The following CFAP69 variants were observed in gnomAD, a reference collection of about 807,000 sequenced individuals.
CFAP69 encodes cilia- and flagella-associated protein 69.
A neutral mutation model predicts 123.0 loss-of-function variants in CFAP69; 92 were observed. The observed-to-expected ratio is 0.75, with a 90% CI of 0.63 to 0.89. The LOEUF is 0.89. Ranked by LOEUF, CFAP69 falls within the 40% of genes least tolerant of loss-of-function variation. The pLI, the probability that CFAP69 is intolerant of heterozygous loss-of-function variation, is 0.00. For missense variants in CFAP69, 1,067 were observed against 1,096.9 expected, an observed-to-expected ratio of 0.97 and a Z score of 0.39; for synonymous variants, 380 against 364.3, an observed-to-expected ratio of 1.04 and a Z score of -0.49.
At chr7:90,280,760 G>C (rs1789363203) in intron 12 of CFAP69, among the ~76,000 whole-genome samples, 1 of 152,184 alleles carries the variant, frequency 6.6e-6, no homozygotes, top group Non-Finnish European at 1.5e-5. Flanking sequence ...TTTTTAAAAA[G>C]TTTTATAAGG....
At position 90,271,548 on chromosome 7, in the gene CFAP69, A is replaced by C; in HGVS notation, c.555A>C (p.Ser185=). The change falls in exon 7 of 23, where the codon TCA becomes TCC. Residue 185 remains serine, a synonymous_variant. Transcript: ENST00000389297. ...HIPGYQQASS[S]YKIQMAEVGG... is the part of the protein sequence containing the mutation. The stretch of plus-strand genomic sequence containing the variant: ...TAGGTTACCAGCAAGCGAGTTCATC[A>C]TACAAGATTCAAATGGCTGAAGTTG... 6.2e-7 allele frequency: 1 copy of C among 1,612,276 alleles called. No homozygotes were observed. Among genetic ancestry groups the C allele is most frequent in the East Asian group, 2.2e-5 (1 of 44,854 alleles).
chr7:90,256,532 A>T (rs1202188917), intron 2 of CFAP69, among the ~76,000 whole-genome samples: 1 of 152,162 alleles, frequency 6.6e-6, no homozygotes, highest in Non-Finnish European at 1.5e-5. Flanking sequence ...ATAAAAAAAA[A>T]AAAAAAATTT....
chr7:90,258,076 T>G, intron 2 of CFAP69, 22 bp from the exon 3 acceptor site: 2 of 1,584,420 alleles, frequency 1.3e-6, no homozygotes, highest in Non-Finnish European at 1.7e-6. Flanking sequence ...ACAAAAGAAC[T>G]AAAATAGGTG....
At chr7:90,286,521 G>A (rs1225878737) in intron 14 of CFAP69, 122 bp downstream of exon 14, 4 of 987,222 alleles carry the variant, frequency 4.1e-6, no homozygotes, top group Non-Finnish European at 5.9e-6. Context: ...TTAATAATTA[G>A]AGCATAATTA....
At chr7:90,308,191 C>T (rs1562930668) in intron 21 of CFAP69, among the ~76,000 whole-genome samples, 1 of 152,074 alleles carries the variant, frequency 6.6e-6, no homozygotes, top group African/African-American at 2.4e-5. Context: ...CTGTGAGAGG[C>T]AAAGTAAAGG....
chr7:90,260,062 TA>T (rs1332951995), intron 3 of CFAP69, among the ~76,000 whole-genome samples: 1 of 152,188 alleles, frequency 6.6e-6, no homozygotes, highest in Non-Finnish European at 1.5e-5. Context: ...GTAAACTCCT[TA>T]CAACATTATG....
chr7:90,297,876 A>C (rs1792230818), intron 16 of CFAP69, 46 bp downstream of exon 16: 1 of 1,316,016 alleles, frequency 7.6e-7, no homozygotes, highest in African/African-American at 1.5e-5. Flanking sequence ...AAATATGTCT[A>C]TTAAAGGCCG....
chr7:90,310,319 A>G lies in CFAP69; in HGVS notation c.*81A>G, dbSNP rs1794200463. On this transcript the variant is annotated 3_prime_UTR_variant, in exon 23 of 23. Transcript: ENST00000389297. ...ATCTTTATACATATGTAAAGCCAATATTTTAGAATAAGTATTTTAGTATAA... is the reference window on the plus strand; with the variant it reads ...ATCTTTATACATATGTAAAGCCAATGTTTTAGAATAAGTATTTTAGTATAA... 1 of 739,286 alleles carries G rather than the reference A, an allele frequency of 1.4e-6. No individual in the cohort carries two copies. Among genetic ancestry groups the G allele is most frequent in the East Asian group, 3.3e-5 (1 of 30,616 alleles). The allele number at this position is 739,286 out of a possible 1,614,324, so 45.8% of individuals were successfully genotyped here.
intron 19 of CFAP69, among the ~76,000 whole-genome samples, chr7:90,305,067 G>A (rs1793370589): frequency 6.6e-6 from 1 of 152,112 alleles, no homozygotes; most frequent in African/African-American, 2.4e-5. Flanking sequence ...TATAAGCCGG[G>A]CACGGTGGCT....
At chr7:90,270,095 C>A (rs1319601677) in intron 6 of CFAP69, 1 of 152,176 alleles carries the variant, frequency 6.6e-6, no homozygotes, top group Non-Finnish European at 1.5e-5. Context: ...CTCACTATCA[C>A]ACAGTTGGTT....
chr7:90,303,388 G>A (rs915228579), intron 17 of CFAP69: 4 of 188,570 alleles, frequency 2.1e-5, no homozygotes. Context: ...TCTTGTGCCA[G>A]TTTACAAAGG....
At chr7:90,247,629 C>T (rs753154663) in intron 1 of CFAP69, among the ~76,000 whole-genome samples, 1 of 152,092 alleles carries the variant, frequency 6.6e-6, no homozygotes, top group African/African-American at 2.4e-5. Flanking sequence ...GGGCAGATCA[C>T]GAGTTCAGGA....
At chr7:90,274,702 C>T (rs575413627) in intron 9 of CFAP69, among the ~76,000 whole-genome samples, 1 of 152,236 alleles carries the variant, frequency 6.6e-6, no homozygotes, top group African/African-American at 2.4e-5. Flanking sequence ...CGTTATTCCC[C>T]TATGTATAAT....
chr7:90,245,479 A>C lies in CFAP69; in HGVS notation c.55A>C (p.Asn19His). 6.4e-7 allele frequency: 1 copy of C among 1,551,966 alleles called. No individual in the cohort carries two copies. Among genetic ancestry groups the C allele is most frequent in the South Asian group, 1.2e-5 (1 of 84,548 alleles). ...CGAGGCCCAGGAATCCGGCATCAGG[A>C]ACAAGTCTAGCAGTTCCAGTCAAAT... ...TAEAQESGIR[N>H]KSSSSSQIPV... Residue 19 changes from asparagine (N) to histidine (H), a missense_variant, in exon 1 of 23, where the codon AAC (asparagine) becomes CAC (histidine). Physicochemically the swap from Asn to His is moderately conservative, Grantham distance 68 (BLOSUM62 1). Coordinates refer to ENST00000389297, the MANE Select transcript of CFAP69 (RefSeq NM_001039706.3).
chr7:90,316,092 C>T, the CFAP69 span, among the ~76,000 whole-genome samples: 1 of 152,108 alleles, frequency 6.6e-6, no homozygotes, highest in East Asian at 1.9e-4. Flanking sequence ...GAAACTCCGT[C>T]TCAAAAAAAG....
intron 8 of CFAP69, among the ~76,000 whole-genome samples, chr7:90,273,693 G>A (rs1458557632): frequency 6.6e-6 from 1 of 152,136 alleles, no homozygotes; most frequent in African/African-American, 2.4e-5. Context: ...CAGTTTGGGA[G>A]GCTAGAATTC....
intron 19 of CFAP69, 123 bp downstream of exon 19, chr7:90,304,943 T>C (rs1793348797): frequency 4.2e-6 from 3 of 721,434 alleles, no homozygotes; most frequent in South Asian, 4.3e-5. Flanking sequence ...TATTTTTCAT[T>C]TTGCATCTGA....
At chr7:90,292,642 C>T (rs754505707) in intron 15 of CFAP69, among the ~76,000 whole-genome samples, 7 of 152,224 alleles carry the variant, frequency 4.6e-5, no homozygotes, top group Non-Finnish European at 7.4e-5. Flanking sequence ...TTTGTTCACA[C>T]GAGCATACTT....
chr7:90,311,860 T>A (rs1398857375), downstream of CFAP69, among the ~76,000 whole-genome samples: 2 of 152,174 alleles, frequency 1.3e-5, no homozygotes, highest in South Asian at 2.1e-4. Flanking sequence ...CCTGAATCCC[T>A]TTCTCTAGTC....
Sources: allele counts gnomAD v4.1 joint callset (sites outside exome capture counted in the v4.1 genomes callset), GRCh38; gene constraint gnomAD v4.1.1; transcripts MANE v1.5; gene names NCBI Gene and HGNC (gene_info 2026-07-23, HGNC 2026-07-21).